PCDHA7: variants seen among roughly 807,000 people sequenced by gnomAD.
The protein encoded by PCDHA7 is protocadherin alpha-7.
Under a neutral mutation model 57.2 loss-of-function variants are expected in PCDHA7, and 37 were observed. The ratio of observed to expected loss-of-function variants is 0.65; its 90% CI spans 0.50 to 0.85. The LOEUF is 0.85. PCDHA7 is among the 40% of genes least tolerant of loss of function. The pLI is 0.00. For synonymous variants in PCDHA7, 553 were observed against 558.8 expected (o/e 0.99, Z 0.15); for missense variants, 1,188 against 1,241.8 (o/e 0.96, Z 0.65).
chr5:140,968,868 A>G, intron 1 of PCDHA7: 6 of 1,614,140 alleles, frequency 3.7e-6, no homozygotes, highest in Non-Finnish European at 5.1e-6. Flanking sequence ...CCTCGGACAT[A>G]CTCTGAAATT....
rs148479176 is a variant in PCDHA7, at chr5:140,884,341, G to A, written c.2355+47603G>A. 6.0e-4 allele frequency: 973 copies of A among 1,613,910 alleles called. 19 individuals carry two copies. In the South Asian group the frequency reaches 7.4e-3, roughly 12 times the overall value. On this transcript the variant is annotated intron_variant, in intron 1 of 3. Transcript: ENST00000525929. ...CGGCAGGCGCTGTGGGTCCAGAAGC[G>A]GCGCTGGTGGATGTCAATGTTTACT...
At chr5:140,954,297 C>T (rs1369831854) in intron 1 of PCDHA7, among the ~76,000 whole-genome samples, 2 of 152,180 alleles carry the variant, frequency 1.3e-5, no homozygotes, top group African/African-American at 4.8e-5. Flanking sequence ...TGGGTACATA[C>T]CCAGTAATGG....
rs2150230221 is a variant in PCDHA7 at position 140,835,046 on chromosome 5, G to A, written c.663G>A (p.Glu221=). The A allele has an allele frequency of 6.3e-6, 8 of 1,261,804 alleles. No individual in the cohort carries two copies. The East Asian group carries it at 1.6e-4, about 24-fold the overall frequency. 78.2% of individuals were successfully genotyped at this position (1,261,804 alleles called of 1,614,324 possible). The change falls in exon 1 of 4, where the codon GAG becomes GAA. Residue 221 remains glutamate, a synonymous_variant. Transcript: ENST00000525929. ...LLTATDGGKP[E]LTGTVQLLIT... ...CGGCCACCGATGGAGGCAAACCCGAGCTGACTGGCACCGTTCAATTACTCA... is the reference window on the plus strand; with the variant it reads ...CGGCCACCGATGGAGGCAAACCCGAACTGACTGGCACCGTTCAATTACTCA...
chr5:140,869,424 G>A, intron 1 of PCDHA7: 2 of 1,614,216 alleles, frequency 1.2e-6, no homozygotes, highest in African/African-American at 2.7e-5. Context: ...TCCACCTGGA[G>A]GTGATCGTGG....
chr5:140,858,852 T>A lies in PCDHA7; in HGVS notation c.2355+22114T>A, dbSNP rs1327075015. The A allele has an allele frequency of 2.5e-5, 7 of 281,540 alleles. 1 individual carries two copies. The highest frequency in any genetic ancestry group is 4.7e-5 in the Non-Finnish European group (7 of 148,550). The allele number at this position is 281,540 out of a possible 1,614,324, so 17.4% of individuals were successfully genotyped here. On this transcript the variant is annotated intron_variant, in intron 1 of 3. Coordinates refer to ENST00000525929, the MANE Select transcript of PCDHA7 (RefSeq NM_018910.3). ...TACCAAAAAATTCCACTGATCTATA[T>A]CTCTTCAGTGAAAATGTGTTTTCCT... is the stretch of plus-strand genomic sequence containing the variant.
intron 1 of PCDHA7, chr5:140,868,976 T>C: frequency 6.7e-7 from 1 of 1,481,558 alleles, no homozygotes; most frequent in Non-Finnish European, 9.0e-7. Context: ...AACTCCATCA[T>C]ACCGGATGCC....
intron 1 of PCDHA7, among the ~76,000 whole-genome samples, chr5:140,916,601 G>A (rs2077638535): frequency 6.6e-6 from 1 of 152,188 alleles, no homozygotes. Flanking sequence ...GGCCTGGAAT[G>A]CGGGCCTCAT....
At chr5:140,984,192 A>G (rs1233193080) in intron 3 of PCDHA7, among the ~76,000 whole-genome samples, 31 of 152,144 alleles carry the variant, frequency 2.0e-4, no homozygotes, top group Admixed American at 2.0e-3. Context: ...ATGACTTTCT[A>G]CCTTGCCTTT....
chr5:140,848,512 G>A (rs1781566761), intron 1 of PCDHA7: 1 of 1,590,350 alleles, frequency 6.3e-7, no homozygotes, highest in South Asian at 1.1e-5. Context: ...TACTCAAGTC[G>A]AGGAGATCCA....
chr5:140,876,653 C>T (rs781890773), intron 1 of PCDHA7: 8 of 1,614,082 alleles, frequency 5.0e-6, no homozygotes, highest in Non-Finnish European at 6.8e-6. Context: ...CCTCATGTTC[C>T]CTTCAAGCTG....
Position 140,856,045 on chromosome 5 carries a change from T to C in PCDHA7, c.2355+19307T>C, listed in dbSNP as rs1554148107. 3 of 1,581,954 alleles carry C rather than the reference T, an allele frequency of 1.9e-6. 1 individual carries two copies. In the African/African-American group the frequency reaches 4.1e-5, roughly 21 times the overall value. ...GTCGATTTGTAAAACAAGAGAAGGATAAGATGGTTTCCAGATGTAGCTGCC... is the reference window on the plus strand; with the variant it reads ...GTCGATTTGTAAAACAAGAGAAGGACAAGATGGTTTCCAGATGTAGCTGCC... On this transcript the variant is annotated intron_variant, in intron 1 of 3. Coordinates refer to ENST00000525929, the MANE Select transcript of PCDHA7 (RefSeq NM_018910.3).
intron 1 of PCDHA7, among the ~76,000 whole-genome samples, chr5:140,955,134 C>T (rs868995724): frequency 3.3e-5 from 5 of 152,022 alleles, no homozygotes; most frequent in African/African-American, 1.2e-4. Context: ...CTGGTCTACA[C>T]GTCTGTTTTT....
intron 1 of PCDHA7, among the ~76,000 whole-genome samples, chr5:140,837,700 C>A (rs1554136606): frequency 1.3e-5 from 2 of 151,152 alleles, no homozygotes; most frequent in Non-Finnish European, 2.9e-5. Flanking sequence ...TCAAGACACG[C>A]TCTCACTCCA....
intron 1 of PCDHA7, chr5:140,884,505 G>A: frequency 6.2e-7 from 1 of 1,614,170 alleles, no homozygotes. Context: ...AGCGCGGCAG[G>A]GAGTTGGTCG....
intron 1 of PCDHA7, among the ~76,000 whole-genome samples, chr5:140,916,821 C>T (rs2077744344): frequency 6.6e-6 from 1 of 152,170 alleles, no homozygotes; most frequent in African/African-American, 2.4e-5. Flanking sequence ...TGTGCCACCC[C>T]TATCCCTCTG....
chr5:140,901,539 A>C (rs192107124), intron 1 of PCDHA7, among the ~76,000 whole-genome samples: 1 of 151,952 alleles, frequency 6.6e-6, no homozygotes, highest in African/African-American at 2.4e-5. Context: ...TTGGTTCTCT[A>C]TTCTGTTCCA....
chr5:140,979,414 T>C (rs1410205907), intron 2 of PCDHA7, among the ~76,000 whole-genome samples: 1 of 152,242 alleles, frequency 6.6e-6, no homozygotes, highest in African/African-American at 2.4e-5. Flanking sequence ...CCTTGTTTTT[T>C]TTTTAATCTC....
chr5:140,882,420 A>C, intron 1 of PCDHA7: 1 of 1,614,046 alleles, frequency 6.2e-7, no homozygotes, highest in East Asian at 2.2e-5. Context: ...ATCGCTCAGG[A>C]CCTGGGGCTG....
chr5:140,994,394 T>C (rs1332946220), intron 3 of PCDHA7, among the ~76,000 whole-genome samples: 1 of 152,110 alleles, frequency 6.6e-6, no homozygotes, highest in African/African-American at 2.4e-5. Flanking sequence ...AGTCAGAGAT[T>C]ATTTGACATT....
Sources: allele counts gnomAD v4.1 joint callset (sites outside exome capture counted in the v4.1 genomes callset), GRCh38; gene constraint gnomAD v4.1.1; transcripts MANE v1.5; gene names NCBI Gene and HGNC (gene_info 2026-07-23, HGNC 2026-07-21).